TRIM55: variants seen among roughly 807,000 people sequenced by gnomAD.
TRIM55 encodes the protein tripartite motif containing 55, also known as tripartite motif-containing protein 55.
TRIM55 carries 50 observed loss-of-function variants against 60.9 expected under a neutral mutation model. That is an observed-to-expected ratio of 0.82 (90% CI 0.65 to 1.04). The LOEUF (loss-of-function observed/expected upper bound fraction) is 1.04. Among genes scored for constraint, TRIM55 ranks in the 50% least tolerant of loss-of-function variants. The probability of loss-of-function intolerance (pLI) is 0.00; values close to 1 mark genes in which losing one functional copy is unlikely to be tolerated. For missense variants in TRIM55, 681 were observed against 666.9 expected (o/e 1.02, Z -0.23); for synonymous variants, 237 against 238.1 (o/e 1.00, Z 0.04).
chr8:66,132,976 T>A (rs1165431285), intron 2 of TRIM55, among the ~76,000 whole-genome samples: 2 of 152,292 alleles, frequency 1.3e-5, no homozygotes, highest in East Asian at 3.9e-4. Flanking sequence ...TATGACGCAA[T>A]CTCTGGTCAC....
chr8:66,118,518 G>A, the TRIM55 span, among the ~76,000 whole-genome samples: 1 of 152,158 alleles, frequency 6.6e-6, no homozygotes, highest in African/African-American at 2.4e-5. Context: ...CAGGCAGAGG[G>A]AAAACATTTA....
At chr8:66,160,145 C>T (rs1810965181) in intron 9 of TRIM55, among the ~76,000 whole-genome samples, 1 of 152,160 alleles carries the variant, frequency 6.6e-6, no homozygotes, top group Non-Finnish European at 1.5e-5. Flanking sequence ...CCCTCCCCAA[C>T]CCCTACTCTT....
intron 4 of TRIM55, among the ~76,000 whole-genome samples, chr8:66,140,006 A>C (rs895848330): frequency 6.6e-6 from 1 of 152,180 alleles, no homozygotes; most frequent in Non-Finnish European, 1.5e-5. Flanking sequence ...TTAGATGCAC[A>C]AATACCATGT....
chr8:66,125,636 TA>T (rs1003642915), upstream of TRIM55, among the ~76,000 whole-genome samples: 2 of 152,144 alleles, frequency 1.3e-5, no homozygotes, highest in East Asian at 1.9e-4. Context: ...AGTAACTCAG[TA>T]AAAAAACTTT....
At chr8:66,156,636 A>C (rs1157155996) in intron 9 of TRIM55, among the ~76,000 whole-genome samples, 1 of 152,058 alleles carries the variant, frequency 6.6e-6, no homozygotes, top group Non-Finnish European at 1.5e-5. Context: ...CTGTAGCTCA[A>C]AGGCAGTTCA....
chr8:66,134,186 C>A (rs1809342632), intron 2 of TRIM55, among the ~76,000 whole-genome samples: 2 of 152,156 alleles, frequency 1.3e-5, no homozygotes, highest in Admixed American at 1.3e-4. Flanking sequence ...AGTCCCAAAT[C>A]TAAGATGTTG....
intron 9 of TRIM55, among the ~76,000 whole-genome samples, chr8:66,164,142 TGGAGG>T (rs1412983990): frequency 1.3e-5 from 2 of 152,148 alleles, no homozygotes; most frequent in East Asian, 3.8e-4. Context: ...GTGGGGCACC[TGGAGG>T]GGAACTATGC....
chr8:66,152,288 CT>C lies in TRIM55; in HGVS notation c.986-87del, dbSNP rs148399461. 6,981 of 1,474,642 alleles carry C rather than the reference CT, an allele frequency of 4.7e-3. 245 individuals are homozygous for C. In the African/African-American group the frequency reaches 0.081, roughly 17 times the overall value. The allele number at this position is 1,474,642 out of a possible 1,614,324, so 91.3% of individuals were successfully genotyped here. The stretch of plus-strand genomic sequence containing the variant: ...CAGAGAAAAACTCCCCAGCCTTGAC[CT>C]TAACTAGGGCTATAAGCACTGGCCA... On this transcript the variant is annotated intron_variant, in intron 7 of 9. Coordinates refer to ENST00000315962, the MANE Select transcript of TRIM55 (RefSeq NM_184085.2).
intron 9 of TRIM55, among the ~76,000 whole-genome samples, chr8:66,159,282 A>C (rs879834933): frequency 7.2e-5 from 11 of 152,246 alleles, no homozygotes; most frequent in Non-Finnish European, 1.3e-4. Context: ...GAATGAAAAC[A>C]TACAGTATTG....
intron 7 of TRIM55, 81 bp downstream of exon 7, chr8:66,150,547 A>G: frequency 6.6e-7 from 1 of 1,517,016 alleles, no homozygotes; most frequent in South Asian, 1.2e-5. Flanking sequence ...GAAAGCGGGG[A>G]TTCAGAATCA....
chr8:66,131,361 T>C (rs1399554888), intron 2 of TRIM55, among the ~76,000 whole-genome samples: 1 of 152,200 alleles, frequency 6.6e-6, no homozygotes, highest in East Asian at 1.9e-4. Flanking sequence ...AGTCAACCAC[T>C]TTTAATTCTT....
intron 4 of TRIM55, among the ~76,000 whole-genome samples, chr8:66,141,009 C>T (rs1809779675): frequency 6.6e-6 from 1 of 152,172 alleles, no homozygotes; most frequent in East Asian, 1.9e-4. Flanking sequence ...GACACCTGCC[C>T]CAGAGCCCTT....
intron 2 of TRIM55, among the ~76,000 whole-genome samples, chr8:66,131,760 G>A (rs1043200787): frequency 1.3e-5 from 2 of 152,180 alleles, no homozygotes; most frequent in Non-Finnish European, 2.9e-5. Context: ...GCTCAAGTCA[G>A]CTTGCTTATT....
intron 8 of TRIM55, among the ~76,000 whole-genome samples, chr8:66,153,543 C>G (rs1362531835): frequency 6.6e-6 from 1 of 152,142 alleles, no homozygotes; most frequent in African/African-American, 2.4e-5. Context: ...CCACAGGAAA[C>G]CAGGCTAAAA....
At position 66,154,159 on chromosome 8, in the gene TRIM55, C is replaced by A; in HGVS notation, c.1349C>A (p.Thr450Asn). Residue 450 changes from threonine (T) to asparagine (N), a missense_variant, in exon 9 of 10, where the codon ACC becomes AAC. Transcript: ENST00000315962. ...TACCCTAGTTGGTATAAAGGCCAAACCCGGAAAGCCACCACCAACCCACCT... is the reference window on the plus strand; with the variant it reads ...TACCCTAGTTGGTATAAAGGCCAAAACCGGAAAGCCACCACCAACCCACCT... Reference protein sequence around the residue: ...LFYPSWYKGQTRKATTNPPCT... With the variant: ...LFYPSWYKGQNRKATTNPPCT... The A allele has an allele frequency of 6.2e-7, 1 of 1,614,104 alleles. No individual in the cohort carries two copies. Among genetic ancestry groups the A allele is most frequent in the Non-Finnish European group, 8.5e-7 (1 of 1,180,010 alleles).
intron 9 of TRIM55, among the ~76,000 whole-genome samples, chr8:66,158,857 C>T (rs916020613): frequency 3.9e-5 from 6 of 152,346 alleles, no homozygotes; most frequent in Admixed American, 1.3e-4. Flanking sequence ...TACACAGCTG[C>T]TATTACCTCC....
chr8:66,158,470 A>G (rs985792738), intron 9 of TRIM55, among the ~76,000 whole-genome samples: 4 of 152,210 alleles, frequency 2.6e-5, no homozygotes, highest in African/African-American at 9.7e-5. Context: ...AAAAGTTAGA[A>G]GAAAGGACTT....
intron 2 of TRIM55, among the ~76,000 whole-genome samples, chr8:66,128,948 T>A (rs1176189519): frequency 6.6e-6 from 1 of 152,054 alleles, no homozygotes; most frequent in Non-Finnish European, 1.5e-5. Flanking sequence ...ATTGTTTGGA[T>A]GATAATAAAA....
chr8:66,115,946 C>T, the TRIM55 span, among the ~76,000 whole-genome samples: 1 of 152,170 alleles, frequency 6.6e-6, no homozygotes, highest in Admixed American at 6.5e-5. Flanking sequence ...CATAAAATGC[C>T]ATTTCCCTGG....
Sources: gnomAD v4.1 joint callset for allele counts (sites outside exome capture counted in the v4.1 genomes callset) on GRCh38, gnomAD v4.1.1 for gene constraint, MANE v1.5 for transcripts, NCBI Gene and HGNC (gene_info 2026-07-23, HGNC 2026-07-21) for gene names.